MYO16: variants seen among roughly 807,000 people sequenced by gnomAD.
The protein encoded by MYO16 is unconventional myosin-XVI.
A neutral mutation model predicts 205.3 loss-of-function variants in MYO16; 94 were observed. The observed-to-expected ratio is 0.46, with a 90% CI of 0.39 to 0.54. MYO16 has a LOEUF of 0.54. Among genes scored for constraint, MYO16 ranks in the 20% least tolerant of loss-of-function variants. The pLI, the probability that MYO16 is intolerant of heterozygous loss-of-function variation, is 0.00. For missense variants in MYO16, 2,315 were observed against 2,387.5 expected (o/e 0.97, Z 0.63); for synonymous variants, 988 against 954.0 (o/e 1.04, Z -0.66).
chr13:108,962,297 A>C lies in MYO16; in HGVS notation c.2156-127A>C, dbSNP rs1295281247. On this transcript the variant is annotated intron_variant, in intron 18 of 34. Transcript: ENST00000457511. ...GAATTTGACAATTACAGTGGTAATG[A>C]CTTTTTAAAATACTCATGTTTTGTA... is the stretch of plus-strand genomic sequence containing the variant. 4.7e-5 allele frequency: 32 copies of C among 674,898 alleles called. No individual in the cohort carries two copies. In the Admixed American group the frequency reaches 9.8e-4, roughly 21 times the overall value. The allele number at this position is 674,898 out of a possible 1,614,324, so 41.8% of individuals were successfully genotyped here.
At chr13:109,042,820 A>G (rs147834145) in intron 23 of MYO16, among the ~76,000 whole-genome samples, 1 of 152,356 alleles carries the variant, frequency 6.6e-6, no homozygotes, top group Non-Finnish European at 1.5e-5. Context: ...CACCTGCTTC[A>G]CAATTCGTTA....
At chr13:108,738,959 C>T (rs1217257119) in intron 4 of MYO16, among the ~76,000 whole-genome samples, 1 of 152,072 alleles carries the variant, frequency 6.6e-6, no homozygotes, top group Non-Finnish European at 1.5e-5. Context: ...AGGATTGCAA[C>T]CCCTGCCTTT....
chr13:108,578,766 C>T, the MYO16 span, among the ~76,000 whole-genome samples: 18 of 152,176 alleles, frequency 1.2e-4, no homozygotes, highest in African/African-American at 3.4e-4. Context: ...TTTCACATCC[C>T]CAGGTCCTTT....
At chr13:108,724,895 A>G (rs935871726) in intron 3 of MYO16, among the ~76,000 whole-genome samples, 1 of 10,366 alleles carries the variant, frequency 9.6e-5, no homozygotes, top group Non-Finnish European at 2.1e-4. Context: ...TAAATGAAAA[A>G]ATATATATAA....
intron 16 of MYO16, among the ~76,000 whole-genome samples, chr13:108,931,442 C>A (rs1377688054): frequency 2.0e-5 from 3 of 152,206 alleles, no homozygotes; most frequent in African/African-American, 7.2e-5. Flanking sequence ...GAAAACTCAT[C>A]TTGAGGACCT....
In MYO16 at chr13:109,025,152, G is replaced by A. The variant is rs555138815; in HGVS notation, c.2796+5241G>A. 6.6e-5 allele frequency among the ~76,000 whole-genome samples: 10 copies of A among 152,220 alleles called. No homozygotes were observed. The South Asian group carries it at 1.2e-3, about 19-fold the overall frequency. On this transcript the variant is annotated intron_variant, in intron 23 of 34. Transcript: ENST00000457511. ...CCTTCATCACCACTTGCTCCTCCAC[G>A]ATGGGATTACCTGGTCTTTTTACTG...
intron 14 of MYO16, among the ~76,000 whole-genome samples, chr13:108,895,605 G>C (rs1166618299): frequency 1.3e-5 from 2 of 152,192 alleles, no homozygotes; most frequent in Non-Finnish European, 2.9e-5. Context: ...TTACTGCATA[G>C]TGCAGTGGTT....
chr13:108,628,983 C>T (rs916376007), upstream of MYO16, among the ~76,000 whole-genome samples: 1 of 145,862 alleles, frequency 6.9e-6, no homozygotes, highest in African/African-American at 2.4e-5. Context: ...ATGATATTCA[C>T]TTTTATAACA....
intron 11 of MYO16, among the ~76,000 whole-genome samples, chr13:108,862,063 T>C (rs528918993): frequency 6.6e-6 from 1 of 152,296 alleles, no homozygotes; most frequent in South Asian, 2.1e-4. Context: ...ACAGTTAAGA[T>C]ATTTTGGTGC....
upstream of MYO16, among the ~76,000 whole-genome samples, chr13:108,595,615 C>T (rs996900878): frequency 6.6e-6 from 1 of 152,094 alleles, no homozygotes; most frequent in African/African-American, 2.4e-5. Context: ...ACTAGACAGT[C>T]AGCCCCCTCT....
the MYO16 span, among the ~76,000 whole-genome samples, chr13:108,575,593 C>G: frequency 1.4e-4 from 21 of 152,126 alleles, no homozygotes; most frequent in South Asian, 6.2e-4. Context: ...GCGGATTTCC[C>G]CTAATAAACT....
At chr13:109,060,648 A>C (rs1322445041) in intron 27 of MYO16, among the ~76,000 whole-genome samples, 2 of 152,120 alleles carry the variant, frequency 1.3e-5, no homozygotes, top group Non-Finnish European at 2.9e-5. Flanking sequence ...ACTTGAAGTA[A>C]AATTGTTTTT....
intron 23 of MYO16, among the ~76,000 whole-genome samples, chr13:109,024,978 A>G (rs1886316510): frequency 6.6e-6 from 1 of 152,230 alleles, no homozygotes; most frequent in Admixed American, 6.5e-5. Flanking sequence ...ATTTGAAATC[A>G]ACATGCAAGG....
Position 109,141,060 on chromosome 13 carries a change from C to T in MYO16, c.4848C>T (p.Ala1616=), listed in dbSNP as rs1301992628. ...CCTACAGGCCCTGCGCGCACTTGGC[C>T]TTCCCGCCGGAGCCCGCCCCGGTGA... is the stretch of plus-strand genomic sequence containing the variant. ...PAPYRPCAHL[A]FPPEPAPVNA... is the part of the protein sequence containing the mutation. Residue 1616 remains alanine (A), a synonymous_variant, in exon 32 of 35, where the codon GCC becomes GCT. Transcript: ENST00000457511. This position sits in a 1 kb window ranked among gnomAD's most constrained non-coding sequence, Gnocchi z 4.1. 73 of 1,426,262 alleles carry T rather than the reference C, an allele frequency of 5.1e-5. No individual in the cohort carries two copies. Among genetic ancestry groups the T allele is most frequent in the Non-Finnish European group, 6.1e-5 (67 of 1,092,098 alleles). 88.4% of individuals were successfully genotyped at this position (1,426,262 alleles called of 1,614,324 possible). A position where few individuals can be genotyped will look rare whatever the true frequency, so the allele number is the denominator to read the frequency against.
chr13:108,808,573 A>G (rs919540231), intron 7 of MYO16, among the ~76,000 whole-genome samples: 4 of 152,028 alleles, frequency 2.6e-5, no homozygotes, highest in African/African-American at 9.7e-5. Flanking sequence ...TCACCCTCCC[A>G]AAGTGCTGGG....
intron 4 of MYO16, among the ~76,000 whole-genome samples, chr13:108,744,423 C>A (rs1884998133): frequency 6.6e-6 from 1 of 152,102 alleles, no homozygotes. Context: ...GTCCCAGTAT[C>A]TTTCATTAAG....
intron 16 of MYO16, among the ~76,000 whole-genome samples, chr13:108,936,565 T>A (rs184708330): frequency 6.6e-6 from 1 of 152,286 alleles, no homozygotes; most frequent in East Asian, 1.9e-4. Flanking sequence ...GGAGTGGTTA[T>A]AATGCCTTCT....
chr13:108,891,498 C>T (rs1880170669), intron 14 of MYO16, among the ~76,000 whole-genome samples: 1 of 152,204 alleles, frequency 6.6e-6, no homozygotes, highest in Non-Finnish European at 1.5e-5. Context: ...AATCAATATT[C>T]TATGTGTAAC....
At chr13:108,799,984 G>A (rs1886919265) in intron 6 of MYO16, among the ~76,000 whole-genome samples, 1 of 152,102 alleles carries the variant, frequency 6.6e-6, no homozygotes, top group African/African-American at 2.4e-5. Flanking sequence ...GAGTCTTTTT[G>A]TGAGAATTTG....
Sources: gnomAD v4.1 joint callset for allele counts (sites outside exome capture counted in the v4.1 genomes callset) on GRCh38, gnomAD v4.1.1 for gene constraint, Gnocchi (gnomAD v3.1) non-coding constraint, MANE v1.5 for transcripts, NCBI Gene and HGNC (gene_info 2026-07-23, HGNC 2026-07-21) for gene names.